Variants in EXOC4 observed in about 807,000 individuals in gnomAD.
EXOC4 encodes the protein exocyst complex component 4, also known as SEC8-like 1.
EXOC4 carries 71 observed loss-of-function variants against 107.2 expected under a neutral mutation model. The observed-to-expected ratio is 0.66, with a 90% CI of 0.55 to 0.81. EXOC4 has a LOEUF of 0.81. EXOC4 is among the 30% of genes least tolerant of loss of function. EXOC4 has a pLI of 0.00. For missense variants in EXOC4, 1,108 were observed against 1,189.6 expected (o/e 0.93, Z 1.01); for synonymous variants, 456 against 441.2 (o/e 1.03, Z -0.42).
intron 10 of EXOC4, among the ~76,000 whole-genome samples, chr7:133,773,359 C>T (rs1451915874): frequency 6.6e-6 from 1 of 151,912 alleles, no homozygotes; most frequent in Admixed American, 6.6e-5. Flanking sequence ...TACAGATTCT[C>T]GCTCCCTGAC....
intron 10 of EXOC4, among the ~76,000 whole-genome samples, chr7:133,792,762 G>T (rs946379962): frequency 6.6e-6 from 1 of 152,042 alleles, no homozygotes; most frequent in African/African-American, 2.4e-5. Flanking sequence ...ATCCCAAAAT[G>T]GAAATGGCAC....
intron 14 of EXOC4, among the ~76,000 whole-genome samples, chr7:133,965,749 C>G (rs1311846787): frequency 2.0e-5 from 3 of 152,168 alleles, no homozygotes; most frequent in Non-Finnish European, 4.4e-5. Flanking sequence ...AGTTTGAAGT[C>G]AGGTAGCATG....
chr7:133,366,054 T>A (rs1796244238), intron 6 of EXOC4, among the ~76,000 whole-genome samples: 1 of 152,204 alleles, frequency 6.6e-6, no homozygotes, highest in African/African-American at 2.4e-5. Context: ...GTGTCTTTGC[T>A]TCGTGACCAA....
At chr7:133,501,276 CTT>C (rs774223491) in intron 9 of EXOC4, among the ~76,000 whole-genome samples, 3 of 152,124 alleles carry the variant, frequency 2.0e-5, no homozygotes, top group Non-Finnish European at 2.9e-5. Context: ...ATAATTAAGA[CTT>C]TATGTTTTTC....
intron 11 of EXOC4, among the ~76,000 whole-genome samples, chr7:133,873,990 T>C (rs778893081): frequency 1.3e-5 from 2 of 152,200 alleles, no homozygotes; most frequent in Non-Finnish European, 2.9e-5. Context: ...TCTAGTGATT[T>C]CCAGTATCAT....
intron 9 of EXOC4, among the ~76,000 whole-genome samples, chr7:133,605,158 A>C (rs1801909053): frequency 6.6e-6 from 1 of 152,202 alleles, no homozygotes; most frequent in East Asian, 1.9e-4. Context: ...TGAACATTAG[A>C]GACTAATTCA....
intron 9 of EXOC4, among the ~76,000 whole-genome samples, chr7:133,616,367 A>G (rs960088709): frequency 6.6e-6 from 1 of 152,144 alleles, no homozygotes; most frequent in Non-Finnish European, 1.5e-5. Flanking sequence ...ACCCACTGCT[A>G]GTCACAAAGA....
intron 9 of EXOC4, among the ~76,000 whole-genome samples, chr7:133,530,392 C>T (rs1454582456): frequency 6.6e-6 from 1 of 152,180 alleles, no homozygotes; most frequent in Non-Finnish European, 1.5e-5. Context: ...GCATAGCCTA[C>T]TACACACCTA....
Position 134,045,540 on chromosome 7 carries a change from C to T in EXOC4, c.2688-18751C>T, listed in dbSNP as rs140952886. Among the ~76,000 whole-genome samples, 752 of 152,290 alleles carry T rather than the reference C, an allele frequency of 4.9e-3. 6 individuals carry two copies. Among genetic ancestry groups the T allele is most frequent in the African/African-American group, 0.016 (682 of 41,562 alleles). ...TCAATCCTCACAACAGTATTGGCTGCGGACAGATGTCTTCTGTATAGTTAA... is the reference window on the plus strand; with the variant it reads ...TCAATCCTCACAACAGTATTGGCTGTGGACAGATGTCTTCTGTATAGTTAA... On this transcript the variant is annotated intron_variant, in intron 17 of 17. Coordinates refer to ENST00000253861, the MANE Select transcript of EXOC4 (RefSeq NM_021807.4).
At chr7:133,374,758 G>A (rs1268218879) in intron 6 of EXOC4, 70 bp from the exon 7 acceptor site, 2 of 1,265,982 alleles carry the variant, frequency 1.6e-6, no homozygotes, top group Non-Finnish European at 2.2e-6. Context: ...TGTTTTTCTT[G>A]CAGGTCACTG....
intron 17 of EXOC4, among the ~76,000 whole-genome samples, chr7:134,026,511 C>A (rs201206061): frequency 6.7e-6 from 1 of 149,394 alleles, no homozygotes; most frequent in African/African-American, 2.5e-5. Context: ...GTTTGGTTAC[C>A]AAAGAAGAGG....
intron 10 of EXOC4, among the ~76,000 whole-genome samples, chr7:133,666,445 G>A (rs951970068): frequency 6.6e-6 from 1 of 152,092 alleles, no homozygotes; most frequent in Admixed American, 6.5e-5. Flanking sequence ...ATTTTGTAGA[G>A]TCCACCATCT....
chr7:133,315,700 G>A (rs1794976295), intron 4 of EXOC4, among the ~76,000 whole-genome samples: 1 of 152,202 alleles, frequency 6.6e-6, no homozygotes, highest in Non-Finnish European at 1.5e-5. Flanking sequence ...GGAACTTACA[G>A]GTTTACATTG....
intron 1 of EXOC4, among the ~76,000 whole-genome samples, chr7:133,257,960 G>A (rs1795055553): frequency 6.6e-6 from 1 of 152,174 alleles, no homozygotes. Flanking sequence ...ACAGTTTGTG[G>A]CAGGAAAGGA....
chr7:133,696,784 C>T (rs1284011435), intron 10 of EXOC4, among the ~76,000 whole-genome samples: 1 of 152,122 alleles, frequency 6.6e-6, no homozygotes, highest in Non-Finnish European at 1.5e-5. Flanking sequence ...TATTTAATTT[C>T]TTTGTTTACA....
chr7:133,523,439 CTT>C (rs60649774), intron 9 of EXOC4, among the ~76,000 whole-genome samples: 10 of 143,350 alleles, frequency 7.0e-5, no homozygotes, highest in African/African-American at 2.3e-4. Context: ...CCTTTCAGTT[CTT>C]TTTTTTTTTT....
chr7:133,964,198 G>T, intron 14 of EXOC4, among the ~76,000 whole-genome samples: 1 of 152,092 alleles, frequency 6.6e-6, no homozygotes, highest in East Asian at 1.9e-4. Flanking sequence ...ATCAGCAAAA[G>T]AACCAGTCAT....
intron 14 of EXOC4, among the ~76,000 whole-genome samples, chr7:133,943,401 G>A (rs1029743294): frequency 1.3e-5 from 2 of 152,160 alleles, no homozygotes; most frequent in African/African-American, 4.8e-5. Context: ...AAAAGGTTTT[G>A]TGATCAAATA....
intron 11 of EXOC4, among the ~76,000 whole-genome samples, chr7:133,855,100 TATAA>T (rs1423242565): frequency 5.2e-5 from 5 of 96,010 alleles, no homozygotes; most frequent in African/African-American, 2.1e-4. Context: ...TAAATATATA[TATAA>T]ATATATATAA....
Sources: gnomAD v4.1 joint callset for allele counts (sites outside exome capture counted in the v4.1 genomes callset) on GRCh38, gnomAD v4.1.1 for gene constraint, MANE v1.5 for transcripts, NCBI Gene and HGNC (gene_info 2026-07-23, HGNC 2026-07-21) for gene names.